RBFOX1: variants seen among roughly 807,000 people sequenced by gnomAD.
The protein encoded by RBFOX1 is RNA binding protein fox-1 homolog 1.
RBFOX1 carries 8 observed loss-of-function variants against 57.7 expected under a neutral mutation model. The ratio of observed to expected loss-of-function variants is 0.14; its 90% CI spans 0.08 to 0.25. The LOEUF is 0.25. Among genes scored for constraint, RBFOX1 ranks in the 10% least tolerant of loss-of-function variants. The pLI, the probability that RBFOX1 is intolerant of heterozygous loss-of-function variation, is 1.00. For missense variants in RBFOX1, 611 were observed against 548.5 expected (o/e 1.11, Z -1.14); for synonymous variants, 326 against 222.4 (o/e 1.47, Z -4.15).
chr16:5,994,505 G>T (rs2060458696), intron 4 of RBFOX1, among the ~76,000 whole-genome samples: 1 of 152,090 alleles, frequency 6.6e-6, no homozygotes, highest in Admixed American at 6.5e-5. Context: ...TTTCCAAGTG[G>T]TCCTGGTACC....
At chr16:5,707,767 C>T (rs1296430933) in intron 3 of RBFOX1, among the ~76,000 whole-genome samples, 1 of 152,022 alleles carries the variant, frequency 6.6e-6, no homozygotes, top group Non-Finnish European at 1.5e-5. Flanking sequence ...ATTAGGAAAA[C>T]CTGTGTAAAG....
intron 2 of RBFOX1, among the ~76,000 whole-genome samples, chr16:5,540,677 G>A (rs747092742): frequency 4.6e-5 from 7 of 152,028 alleles, no homozygotes; most frequent in African/African-American, 7.2e-5. Flanking sequence ...TATTGAATAC[G>A]AATCTCTGGC....
chr16:6,034,332 A>G (rs1291998483), intron 1 of RBFOX1, among the ~76,000 whole-genome samples: 1 of 30,658 alleles, frequency 3.3e-5, no homozygotes, highest in Non-Finnish European at 6.1e-5. Flanking sequence ...ACTGTTGCGC[A>G]AAAAAAAAAA....
intron 4 of RBFOX1, among the ~76,000 whole-genome samples, chr16:7,195,155 A>G (rs961838954): frequency 7.9e-5 from 12 of 152,020 alleles, no homozygotes; most frequent in African/African-American, 2.7e-4. Context: ...CTCATATTGC[A>G]TTTCTTGTTG....
rs568876182 is a variant in RBFOX1 at position 7,306,231 on chromosome 16, G to T, written c.28-211916G>T. 2.6e-5 allele frequency among the ~76,000 whole-genome samples: 4 copies of T among 152,050 alleles called. No homozygotes were observed. The East Asian group carries it at 7.7e-4, about 29-fold the overall frequency. ...GATTTTTAAATTGGCTTACTCATTTGGGCACAACTTAGGAGAGAAGATAGT... is the reference window on the plus strand; with the variant it reads ...GATTTTTAAATTGGCTTACTCATTTTGGCACAACTTAGGAGAGAAGATAGT... On this transcript the variant is annotated intron_variant, in intron 4 of 15. Coordinates refer to ENST00000550418, the MANE Select transcript of RBFOX1 (RefSeq NM_018723.4).
chr16:6,206,383 T>A (rs962582494), intron 1 of RBFOX1, among the ~76,000 whole-genome samples: 2 of 152,312 alleles, frequency 1.3e-5, no homozygotes, highest in Admixed American at 6.5e-5. Context: ...CTTCCTGCTC[T>A]GCTCCAGTTG....
At chr16:7,453,035 A>T (rs2057698002) in intron 4 of RBFOX1, among the ~76,000 whole-genome samples, 1 of 151,262 alleles carries the variant, frequency 6.6e-6, no homozygotes, top group Non-Finnish European at 1.5e-5. Context: ...GGGCTGAGGC[A>T]GGAGAATCTC....
downstream of RBFOX1, chr16:5,601,424 G>A (rs1250641221): frequency 6.6e-6 from 1 of 152,326 alleles, no homozygotes; most frequent in East Asian, 1.9e-4. Context: ...GGATGGGAGT[G>A]AATTCCTGTG....
At chr16:5,866,808 A>G (rs1445873738) in intron 3 of RBFOX1, among the ~76,000 whole-genome samples, 1 of 152,222 alleles carries the variant, frequency 6.6e-6, no homozygotes. Context: ...ACTTGGCACC[A>G]TTCCTGGCAC....
downstream of RBFOX1, chr16:5,601,404 C>T (rs905361265): frequency 1.3e-5 from 2 of 152,344 alleles, no homozygotes; most frequent in Non-Finnish European, 2.9e-5. Flanking sequence ...AAAGTAGAAG[C>T]CACATGGGAG....
At chr16:5,745,513 G>C (rs966575538) in intron 3 of RBFOX1, among the ~76,000 whole-genome samples, 1 of 152,140 alleles carries the variant, frequency 6.6e-6, no homozygotes, top group Non-Finnish European at 1.5e-5. Flanking sequence ...TTGAGGAATC[G>C]CCTTACTGTC....
chr16:7,269,474 G>C (rs1028980385), intron 4 of RBFOX1, among the ~76,000 whole-genome samples: 2 of 152,126 alleles, frequency 1.3e-5, no homozygotes, highest in Admixed American at 6.5e-5. Context: ...CAGAGAGAGA[G>C]AGAGGCAGAC....
chr16:7,042,786 T>C (rs1422969765), intron 3 of RBFOX1, among the ~76,000 whole-genome samples: 2 of 151,898 alleles, frequency 1.3e-5, no homozygotes, highest in Non-Finnish European at 2.9e-5. Context: ...ATTAGCCGGG[T>C]GTGGTGGCGC....
chr16:5,995,590 C>G (rs1596366759), intron 4 of RBFOX1, among the ~76,000 whole-genome samples: 1 of 152,332 alleles, frequency 6.6e-6, no homozygotes, highest in East Asian at 1.9e-4. Flanking sequence ...GAGGACTTAG[C>G]TGTAGAATTC....
chr16:6,947,425 G>C (rs2079774038), intron 3 of RBFOX1, among the ~76,000 whole-genome samples: 1 of 152,156 alleles, frequency 6.6e-6, no homozygotes, highest in Non-Finnish European at 1.5e-5. Flanking sequence ...TGGGAGAATG[G>C]AGACTGGCTT....
intron 4 of RBFOX1, among the ~76,000 whole-genome samples, chr16:5,901,226 C>A (rs550613988): frequency 6.6e-6 from 1 of 152,176 alleles, no homozygotes; most frequent in African/African-American, 2.4e-5. Flanking sequence ...TTATATCCAT[C>A]TCCTCATCCC....
At chr16:5,509,155 C>T (rs577259243) in intron 2 of RBFOX1, among the ~76,000 whole-genome samples, 2 of 152,332 alleles carry the variant, frequency 1.3e-5, no homozygotes, top group South Asian at 2.1e-4. Flanking sequence ...TCCCGACATG[C>T]GATCCCCCAC....
chr16:6,900,659 G>A lies in RBFOX1; in HGVS notation c.-15-151398G>A, dbSNP rs183153200. 2.8e-4 allele frequency among the ~76,000 whole-genome samples: 42 copies of A among 152,202 alleles called. No homozygotes were observed. In the South Asian group the frequency reaches 5.0e-3, roughly 18 times the overall value. On this transcript the variant is annotated intron_variant, in intron 3 of 15. Transcript: ENST00000550418. ...CTGGAATTCTACCCTTCTTGACCTC[G>A]TCCCACCAACATCACTATTCATTCT...
chr16:7,548,877 T>C (rs140561426), intron 5 of RBFOX1, among the ~76,000 whole-genome samples: 77 of 152,352 alleles, frequency 5.1e-4, no homozygotes, highest in Non-Finnish European at 1.2e-4. Flanking sequence ...CACTTCATTA[T>C]GAATGACATA....
Sources: allele counts gnomAD v4.1 joint callset (sites outside exome capture counted in the v4.1 genomes callset), GRCh38; gene constraint gnomAD v4.1.1; transcripts MANE v1.5; gene names NCBI Gene and HGNC (gene_info 2026-07-23, HGNC 2026-07-21).